The following ATP2B2 variants were observed in gnomAD, a reference collection of about 807,000 sequenced individuals.
ATP2B2 encodes ATPase plasma membrane Ca2+ transporting 2.
Under a neutral mutation model 120.0 loss-of-function variants are expected in ATP2B2, and 15 were observed. The ratio of observed to expected loss-of-function variants is 0.12; its 90% CI spans 0.08 to 0.19. ATP2B2 has a LOEUF of 0.19. Among genes scored for constraint, ATP2B2 ranks in the 10% least tolerant of loss-of-function variants. The probability of loss-of-function intolerance (pLI) is 1.00; values close to 1 mark genes in which losing one functional copy is unlikely to be tolerated. For missense variants in ATP2B2, 1,045 were observed against 1,719.8 expected (o/e 0.61, Z 6.94); for synonymous variants, 694 against 700.3 (o/e 0.99, Z 0.14).
intron 5 of ATP2B2, 109 bp from the exon 6 acceptor site, chr3:10,388,511 T>TCCCCTCGAGACTAGGTGCCA: frequency 6.8e-7 from 1 of 1,479,512 alleles, no homozygotes; most frequent in Non-Finnish European, 9.4e-7. Flanking sequence ...CCTGCAGAGG[T>TCCCCTCGAGACTAGGTGCCA]CATGGGGCAT....
chr3:10,475,345 G>C (rs1320694716), intron 1 of ATP2B2, among the ~76,000 whole-genome samples: 3 of 152,198 alleles, frequency 2.0e-5, no homozygotes, highest in Admixed American at 1.3e-4. Flanking sequence ...CCCACCCTCT[G>C]GGCTACTATT....
At chr3:10,336,352 C>T in intron 22 of ATP2B2, 1 of 1,521,888 alleles carries the variant, frequency 6.6e-7, no homozygotes, top group South Asian at 1.2e-5. Context: ...AGCACAACGG[C>T]TACATGACTG....
intron 6 of ATP2B2, among the ~76,000 whole-genome samples, chr3:10,387,661 C>T (rs756708684): frequency 1.3e-5 from 2 of 152,124 alleles, no homozygotes; most frequent in African/African-American, 2.4e-5. Context: ...ACAGTTTTAG[C>T]CTGGGTGGTC....
chr3:10,460,691 G>T (rs1466342812), intron 1 of ATP2B2, among the ~76,000 whole-genome samples: 3 of 152,292 alleles, frequency 2.0e-5, no homozygotes, highest in South Asian at 2.1e-4. Context: ...TGTATAAAAG[G>T]TGACTCAGGG....
intron 22 of ATP2B2, chr3:10,331,817 A>G (rs956172671): frequency 1.2e-5 from 7 of 572,542 alleles, no homozygotes; most frequent in South Asian, 3.1e-5. Context: ...CGTCAGCACA[A>G]AGGGAACAGG....
Position 10,338,263 on chromosome 3 carries a change from C to T in ATP2B2, c.3333G>A (p.Glu1111=), listed in dbSNP as rs2060181384. The change falls in exon 22 of 23, where the codon GAG becomes GAA. Residue 1111 remains glutamate (E), a synonymous_variant. Coordinates refer to ENST00000360273, the MANE Select transcript of ATP2B2 (RefSeq NM_001001331.4). ...KEEIPEEELN[E]DVEEIDHAER... ...CCGCGTGGTCGATCTCCTCCACGTC[C>T]TCGTTGAGCTCCTCCTCCGGGATCT... 2 of 1,614,150 alleles carry T rather than the reference C, an allele frequency of 1.2e-6. No individual in the cohort carries two copies. Among genetic ancestry groups the T allele is most frequent in the Non-Finnish European group, 8.5e-7 (1 of 1,179,968 alleles).
At chr3:10,699,901 T>A (rs1368220160) in intron 1 of ATP2B2, among the ~76,000 whole-genome samples, 1 of 152,168 alleles carries the variant, frequency 6.6e-6, no homozygotes, top group Admixed American at 6.5e-5. Flanking sequence ...GCCAGTGCCA[T>A]GCTCTTGGAC....
chr3:10,486,288 T>A (rs1017139141), intron 1 of ATP2B2, among the ~76,000 whole-genome samples: 39 of 151,618 alleles, frequency 2.6e-4, no homozygotes, highest in African/African-American at 9.4e-4. Context: ...GAGATGACAA[T>A]CTGTTTTTCA....
Position 10,340,448 on chromosome 3 carries a change from G to A in ATP2B2, c.3129+45C>T, listed in dbSNP as rs375469053. ...AGGGTCCTGCCCAGGGGCTCCAGCC[G>A]CTTGCTGCCCACCCCGGGCCTGGTT... On this transcript the variant is annotated intron_variant, in intron 20 of 22. Transcript: ENST00000360273. This position sits in a 1 kb window ranked among gnomAD's most constrained non-coding sequence, Gnocchi z 5.0. The A allele has an allele frequency of 9.2e-4, 1,483 of 1,613,772 alleles. No homozygotes were observed. Among genetic ancestry groups the A allele is most frequent in the Middle Eastern group, 1.3e-3 (8 of 6,084 alleles).
intron 1 of ATP2B2, among the ~76,000 whole-genome samples, chr3:10,679,177 C>T (rs757974708): frequency 7.9e-5 from 12 of 152,118 alleles, no homozygotes; most frequent in African/African-American, 1.7e-4. Context: ...ATTGCAGCTT[C>T]GTGAGACCCC....
intron 14 of ATP2B2, among the ~76,000 whole-genome samples, chr3:10,354,252 G>A (rs1387903024): frequency 6.6e-6 from 1 of 152,100 alleles, no homozygotes; most frequent in Non-Finnish European, 1.5e-5. Flanking sequence ...CAGCTCTGGC[G>A]CATCTAACTG....
intron 22 of ATP2B2, among the ~76,000 whole-genome samples, chr3:10,333,559 A>T (rs538269595): frequency 6.6e-6 from 1 of 152,180 alleles, no homozygotes; most frequent in South Asian, 2.1e-4. Flanking sequence ...GTGTTGTCCA[A>T]ATGTGTGTAC....
At chr3:10,555,120 T>C (rs1179340680) in intron 2 of ATP2B2, among the ~76,000 whole-genome samples, 1 of 152,228 alleles carries the variant, frequency 6.6e-6, no homozygotes, top group African/African-American at 2.4e-5. Flanking sequence ...CTCAGTGCCT[T>C]TCTTTGAAAA....
intron 1 of ATP2B2, among the ~76,000 whole-genome samples, chr3:10,455,838 T>G (rs2064237181): frequency 6.6e-6 from 1 of 152,242 alleles, no homozygotes; most frequent in Non-Finnish European, 1.5e-5. Context: ...AGCCCCTTTC[T>G]TCTCTGGGCC....
intron 12 of ATP2B2, 123 bp from the exon 13 acceptor site, chr3:10,360,246 C>CA: frequency 6.9e-7 from 1 of 1,445,288 alleles, no homozygotes; most frequent in Non-Finnish European, 9.1e-7. Flanking sequence ...GCTGAGCCCT[C>CA]AGGGAGCCCT....
intron 2 of ATP2B2, among the ~76,000 whole-genome samples, chr3:10,570,755 G>A (rs1451997520): frequency 3.9e-5 from 6 of 152,158 alleles, no homozygotes; most frequent in Non-Finnish European, 5.9e-5. Flanking sequence ...CTCCATTGGC[G>A]AGAGGCAAAG....
intron 8 of ATP2B2, 47 bp from the exon 9 acceptor site, chr3:10,379,331 T>C (rs2061466585): frequency 5.0e-6 from 8 of 1,600,086 alleles, no homozygotes; most frequent in South Asian, 1.1e-5. Context: ...AGACAACACA[T>C]GGTCGGTCAT....
intron 2 of ATP2B2, among the ~76,000 whole-genome samples, chr3:10,434,324 C>A (rs2063412059): frequency 6.6e-6 from 1 of 152,210 alleles, no homozygotes; most frequent in Non-Finnish European, 1.5e-5. Flanking sequence ...GTGGCCCTGG[C>A]AGCCTGTCCC....
chr3:10,626,883 C>G (rs1210021743), intron 1 of ATP2B2: 1 of 142,328 alleles, frequency 7.0e-6, no homozygotes, highest in Non-Finnish European at 1.6e-5. Flanking sequence ...CACACACACA[C>G]ACACACACAC....
Sources: allele counts gnomAD v4.1 joint callset (sites outside exome capture counted in the v4.1 genomes callset), GRCh38; gene constraint gnomAD v4.1.1; non-coding constraint Gnocchi (gnomAD v3.1); transcripts MANE v1.5; gene names NCBI Gene and HGNC (gene_info 2026-07-23, HGNC 2026-07-21).